Variants in CNTN4 observed in about 807,000 individuals in gnomAD.
CNTN4 encodes contactin-4.
Under a neutral mutation model 122.5 loss-of-function variants are expected in CNTN4, and 77 were observed. The ratio of observed to expected loss-of-function variants is 0.63; its 90% CI spans 0.52 to 0.76. CNTN4 has a LOEUF of 0.76. Ranked by LOEUF, CNTN4 falls within the 30% of genes least tolerant of loss-of-function variation. The pLI is 0.00. For synonymous variants in CNTN4, 512 were observed against 447.0 expected, an observed-to-expected ratio of 1.15 and a Z score of -1.83; for missense variants, 1,256 against 1,259.1, an observed-to-expected ratio of 1.00 and a Z score of 0.04.
chr3:2,836,879 A>G (rs779332442), intron 7 of CNTN4, among the ~76,000 whole-genome samples: 4 of 152,212 alleles, frequency 2.6e-5, no homozygotes, highest in Non-Finnish European at 5.9e-5. Context: ...ACAAACCTGC[A>G]TGTTCTGCAC....
At chr3:2,947,372 T>C (rs1027669070) in intron 13 of CNTN4, among the ~76,000 whole-genome samples, 2 of 152,206 alleles carry the variant, frequency 1.3e-5, no homozygotes, top group African/African-American at 4.8e-5. Flanking sequence ...ATGACCTGCT[T>C]ACCTCCTATA....
At chr3:2,508,486 C>T (rs1011180207) in intron 3 of CNTN4, among the ~76,000 whole-genome samples, 2 of 152,188 alleles carry the variant, frequency 1.3e-5, no homozygotes, top group African/African-American at 4.8e-5. Context: ...GTTCCCATAA[C>T]TTTCATTCTG....
At chr3:2,849,044 A>G (rs1454879364) in intron 7 of CNTN4, among the ~76,000 whole-genome samples, 1 of 152,230 alleles carries the variant, frequency 6.6e-6, no homozygotes, top group Admixed American at 6.5e-5. Flanking sequence ...CTTATTGTAA[A>G]GTAGGGTTGC....
chr3:2,580,319 G>A (rs967504360), intron 4 of CNTN4, among the ~76,000 whole-genome samples: 1 of 152,132 alleles, frequency 6.6e-6, no homozygotes, highest in African/African-American at 2.4e-5. Flanking sequence ...TGGGGGCCTG[G>A]CAGTGGCAGA....
intron 2 of CNTN4, among the ~76,000 whole-genome samples, chr3:2,192,384 A>T (rs1207370243): frequency 6.6e-6 from 1 of 152,124 alleles, no homozygotes; most frequent in South Asian, 2.1e-4. Flanking sequence ...CATCCTCTCC[A>T]GCACCTGTTG....
At chr3:2,526,131 T>TC (rs1350447577) in intron 3 of CNTN4, among the ~76,000 whole-genome samples, 1 of 152,088 alleles carries the variant, frequency 6.6e-6, no homozygotes, top group Non-Finnish European at 1.5e-5. Context: ...ATTTTACCCA[T>TC]CCCTGGCACT....
At chr3:2,182,714 A>T (rs2037072481) in intron 2 of CNTN4, among the ~76,000 whole-genome samples, 2 of 152,096 alleles carry the variant, frequency 1.3e-5, no homozygotes, top group African/African-American at 2.4e-5. Flanking sequence ...CCTATAATCC[A>T]GTTATTGGTA....
chr3:2,768,915 A>G (rs998529711), intron 6 of CNTN4, among the ~76,000 whole-genome samples: 2 of 152,288 alleles, frequency 1.3e-5, no homozygotes, highest in Admixed American at 1.3e-4. Flanking sequence ...CAAGTTCGTG[A>G]TCCCATTAAG....
chr3:2,286,681 G>T (rs1361500149), intron 2 of CNTN4, among the ~76,000 whole-genome samples: 1 of 152,086 alleles, frequency 6.6e-6, no homozygotes, highest in East Asian at 1.9e-4. Context: ...AGAACATAGT[G>T]GGAGCCTGAA....
intron 2 of CNTN4, among the ~76,000 whole-genome samples, chr3:2,216,236 C>A (rs1318148956): frequency 6.6e-6 from 1 of 152,184 alleles, no homozygotes; most frequent in African/African-American, 2.4e-5. Context: ...TCTTTTGTGG[C>A]ATCATGGATG....
intron 13 of CNTN4, among the ~76,000 whole-genome samples, chr3:2,979,923 C>G (rs1693798007): frequency 6.6e-6 from 1 of 152,156 alleles, no homozygotes; most frequent in African/African-American, 2.4e-5. Context: ...AATCATAGGT[C>G]TCCATTTTGG....
chr3:2,139,730 C>A (rs1056659429), intron 2 of CNTN4, among the ~76,000 whole-genome samples: 3 of 152,102 alleles, frequency 2.0e-5, no homozygotes, highest in African/African-American at 7.2e-5. Context: ...GTTTCCAGAA[C>A]CAAGGGCCTG....
At chr3:2,542,720 G>A (rs1006474134) in intron 3 of CNTN4, among the ~76,000 whole-genome samples, 2 of 152,028 alleles carry the variant, frequency 1.3e-5, no homozygotes, top group African/African-American at 2.4e-5. Flanking sequence ...CTCTTCTTTC[G>A]TAAATGAACT....
At chr3:2,427,454 T>A (rs1464583627) in intron 3 of CNTN4, among the ~76,000 whole-genome samples, 1 of 152,210 alleles carries the variant, frequency 6.6e-6, no homozygotes, top group African/African-American at 2.4e-5. Context: ...TTATACTTCC[T>A]GTTCTTTTAC....
chr3:2,673,349 A>G (rs1175050387), intron 4 of CNTN4, among the ~76,000 whole-genome samples: 2 of 152,128 alleles, frequency 1.3e-5, no homozygotes, highest in Admixed American at 6.5e-5. Flanking sequence ...TCGCTCTTGC[A>G]GAGACTGATT....
intron 6 of CNTN4, among the ~76,000 whole-genome samples, chr3:2,756,400 G>A (rs942953330): frequency 1.3e-5 from 2 of 152,194 alleles, no homozygotes; most frequent in African/African-American, 4.8e-5. Flanking sequence ...GTGGCAGTCA[G>A]TGAAACAGGA....
Position 2,538,877 on chromosome 3 carries a change from AATTTG to A in CNTN4, c.-88-32534_-88-32530del, listed in dbSNP as rs200069025. ...CAGACACACACCCACAATGTTCTTT[AATTTG>A]ATTTATTACTTAATATATTATAAAT... On this transcript the variant is annotated intron_variant, in intron 3 of 24. Coordinates refer to ENST00000418658, the MANE Select transcript of CNTN4 (RefSeq NM_175607.3). Among the ~76,000 whole-genome samples, 771 of 151,882 alleles carry A rather than the reference AATTTG, an allele frequency of 5.1e-3. 12 individuals are homozygous for A. The highest frequency in any genetic ancestry group is 0.037 in the East Asian group (193 of 5,166).
intron 6 of CNTN4, among the ~76,000 whole-genome samples, chr3:2,785,902 C>CCCCCT (rs1293271501): frequency 7.7e-6 from 1 of 129,458 alleles, no homozygotes; most frequent in Non-Finnish European, 1.7e-5. Flanking sequence ...GCTGCCCCCC[C>CCCCCT]CCGCCCCCCC....
chr3:2,726,753 G>C (rs1459023809), intron 4 of CNTN4, among the ~76,000 whole-genome samples: 2 of 152,140 alleles, frequency 1.3e-5, no homozygotes, highest in Non-Finnish European at 2.9e-5. Flanking sequence ...TGTAATGGTG[G>C]ATCCATGTCC....
Sources: gnomAD v4.1 joint callset for allele counts (sites outside exome capture counted in the v4.1 genomes callset) on GRCh38, gnomAD v4.1.1 for gene constraint, MANE v1.5 for transcripts, NCBI Gene and HGNC (gene_info 2026-07-23, HGNC 2026-07-21) for gene names.